The following HIP1 variants were observed in gnomAD, a reference collection of about 807,000 sequenced individuals.
HIP1 encodes the protein huntingtin-interacting protein 1.
Under a neutral mutation model 147.6 loss-of-function variants are expected in HIP1, and 65 were observed. The observed-to-expected ratio is 0.44, with a 90% CI of 0.36 to 0.54. HIP1 has a LOEUF of 0.54. HIP1 is among the 20% of genes least tolerant of loss of function. HIP1 has a pLI of 0.00. For missense variants in HIP1, 1,061 were observed against 1,299.6 expected, an observed-to-expected ratio of 0.82 and a Z score of 2.82; for synonymous variants, 479 against 504.0, an observed-to-expected ratio of 0.95 and a Z score of 0.67.
intron 7 of HIP1, among the ~76,000 whole-genome samples, chr7:75,580,947 G>A (rs1796017569): frequency 6.6e-6 from 1 of 152,094 alleles, no homozygotes; most frequent in Non-Finnish European, 1.5e-5. Context: ...TCACCATGTT[G>A]GCCAGGCTGG....
intron 9 of HIP1, among the ~76,000 whole-genome samples, chr7:75,566,858 G>A (rs914454063): frequency 6.6e-5 from 10 of 151,242 alleles, no homozygotes; most frequent in Non-Finnish European, 1.3e-4. Context: ...ACAGTGACTC[G>A]CGCCGGTAAT....
At chr7:75,713,419 G>C (rs1253127098) in intron 1 of HIP1, among the ~76,000 whole-genome samples, 1 of 152,160 alleles carries the variant, frequency 6.6e-6, no homozygotes, top group Non-Finnish European at 1.5e-5. Flanking sequence ...ACTGCGACAG[G>C]GGGAGGCAGA....
At chr7:75,696,722 T>A (rs1800652365) in intron 1 of HIP1, among the ~76,000 whole-genome samples, 1 of 150,348 alleles carries the variant, frequency 6.7e-6, no homozygotes, top group South Asian at 2.1e-4. Context: ...TGCCTCAACC[T>A]CCGAGTGGCT....
In HIP1 at chr7:75,592,265, G is replaced by A. The variant is rs1243738948; in HGVS notation, c.327+107C>T. On this transcript the variant is annotated intron_variant, in intron 3 of 30. Coordinates refer to ENST00000336926, the MANE Select transcript of HIP1 (RefSeq NM_005338.7). Reference sequence around the variant, plus strand: ...ACTCTAATGGGGAACCCAAAGGCCAGGAGAAGGGGGCAGTGTGGGAGAGGA... The same window carrying A: ...ACTCTAATGGGGAACCCAAAGGCCAAGAGAAGGGGGCAGTGTGGGAGAGGA... 5.5e-6 allele frequency: 8 copies of A among 1,454,878 alleles called. No homozygotes were observed. The African/African-American group carries it at 5.6e-5, about 10-fold the overall frequency. The allele number at this position is 1,454,878 out of a possible 1,614,324, so 90.1% of individuals were successfully genotyped here.
intron 7 of HIP1, among the ~76,000 whole-genome samples, chr7:75,578,635 A>T (rs1393467485): frequency 6.6e-6 from 1 of 152,120 alleles, no homozygotes; most frequent in African/African-American, 2.4e-5. Context: ...CCGGAATCGC[A>T]CCACTGCATT....
intron 1 of HIP1, among the ~76,000 whole-genome samples, chr7:75,604,421 C>G (rs1282305564): frequency 2.6e-5 from 4 of 152,122 alleles, no homozygotes; most frequent in African/African-American, 9.7e-5. Flanking sequence ...TGCCTGTAAT[C>G]CCAGTACCTT....
intron 1 of HIP1, among the ~76,000 whole-genome samples, chr7:75,733,207 G>A (rs889675296): frequency 7.2e-5 from 11 of 152,046 alleles, no homozygotes; most frequent in African/African-American, 1.2e-4. Context: ...CTGGAGTCCT[G>A]GTTTTGAATC....
At chr7:75,692,379 T>C (rs1554518244) in intron 1 of HIP1, among the ~76,000 whole-genome samples, 1 of 151,456 alleles carries the variant, frequency 6.6e-6, no homozygotes, top group Non-Finnish European at 1.5e-5. Context: ...CTGCCTCAAG[T>C]CTCCCAAGCA....
intron 1 of HIP1, among the ~76,000 whole-genome samples, chr7:75,687,403 A>C (rs1800297343): frequency 6.6e-6 from 1 of 152,154 alleles, no homozygotes; most frequent in South Asian, 2.1e-4. Context: ...TTTCTAAAAC[A>C]CATCTGGGCC....
rs900570651 is a variant in HIP1 at position 75,735,922 on chromosome 7, C to G, written c.120+2879G>C. 7.2e-5 allele frequency among the ~76,000 whole-genome samples: 11 copies of G among 152,012 alleles called. No homozygotes were observed. The East Asian group carries it at 2.1e-3, about 29-fold the overall frequency. On this transcript the variant is annotated intron_variant, in intron 1 of 30. Transcript: ENST00000336926. ...AGGCTGGTTCTTTTTCTTTACTCTCCTACACCCCTAAAGAGTTTCAACACC... is the reference window on the plus strand; with the variant it reads ...AGGCTGGTTCTTTTTCTTTACTCTCGTACACCCCTAAAGAGTTTCAACACC...
In HIP1 at chr7:75,562,932, C is replaced by A. The variant is rs189777752; in HGVS notation, c.1020+3G>T. 1.6e-4 allele frequency: 261 copies of A among 1,614,134 alleles called. 1 individual carries two copies. In the East Asian group the frequency reaches 5.3e-3, roughly 33 times the overall value. On this transcript the variant is annotated splice_donor_region_variant and intron_variant, in intron 11 of 30. Transcript: ENST00000336926. ...CCAAGTTTCTCTCCCAAGTGGTCCTCACCTGCTGAGAGGCATCCATGTCCA... is the reference window on the plus strand; with the variant it reads ...CCAAGTTTCTCTCCCAAGTGGTCCTAACCTGCTGAGAGGCATCCATGTCCA...
chr7:75,643,585 G>A (rs1798714503), intron 1 of HIP1, among the ~76,000 whole-genome samples: 1 of 152,244 alleles, frequency 6.6e-6, no homozygotes, highest in Admixed American at 6.5e-5. Flanking sequence ...CCTGGGAAGG[G>A]CAGTGGGATG....
chr7:75,699,353 C>G (rs6957776), intron 1 of HIP1, among the ~76,000 whole-genome samples: 83,665 of 152,030 alleles, frequency 0.55, 23,765 homozygotes, highest in African/African-American at 0.68. Flanking sequence ...ATAGCTCACT[C>G]CCAGTACTCT....
intron 1 of HIP1, among the ~76,000 whole-genome samples, chr7:75,622,663 G>A (rs1797882670): frequency 6.6e-6 from 1 of 152,094 alleles, no homozygotes. Context: ...GGAGACTGTG[G>A]CACCCTGGAA....
chr7:75,732,269 T>C (rs1302126359), intron 1 of HIP1, among the ~76,000 whole-genome samples: 1 of 152,136 alleles, frequency 6.6e-6, no homozygotes, highest in Non-Finnish European at 1.5e-5. Flanking sequence ...TTCTATCTCT[T>C]TCTCTCTAGG....
chr7:75,722,681 C>T (rs1370683367), intron 1 of HIP1, among the ~76,000 whole-genome samples: 16 of 152,198 alleles, frequency 1.1e-4, no homozygotes, highest in Admixed American at 1.0e-3. Context: ...GAGATGCCAT[C>T]ATGACCCTAC....
In HIP1 at chr7:75,738,749, C is replaced by A. The variant is rs1470071552; in HGVS notation, c.120+52G>T. 4 of 1,574,328 alleles carry A rather than the reference C, an allele frequency of 2.5e-6. No individual in the cohort carries two copies. In the African/African-American group the frequency reaches 5.4e-5, roughly 21 times the overall value. On this transcript the variant is annotated intron_variant, in intron 1 of 30. Coordinates refer to ENST00000336926, the MANE Select transcript of HIP1 (RefSeq NM_005338.7). ...TACTCCCTTCAAAGCCCCTCCCGGA[C>A]ACCGCGTCCCTCAGGGTGCCCCAGG...
At chr7:75,692,138 C>A (rs1229526547) in intron 1 of HIP1, among the ~76,000 whole-genome samples, 1 of 152,250 alleles carries the variant, frequency 6.6e-6, no homozygotes, top group East Asian at 1.9e-4. Context: ...TCCGTTGTCT[C>A]CCCCCGTCCC....
intron 1 of HIP1, among the ~76,000 whole-genome samples, chr7:75,616,127 GAAAACA>G (rs1217661306): frequency 7.7e-6 from 1 of 129,306 alleles, no homozygotes; most frequent in African/African-American, 2.9e-5. Context: ...GAAAAGAAAA[GAAAACA>G]AAAACAAAAA....
Sources: gnomAD v4.1 joint callset for allele counts (sites outside exome capture counted in the v4.1 genomes callset) on GRCh38, gnomAD v4.1.1 for gene constraint, MANE v1.5 for transcripts, NCBI Gene and HGNC (gene_info 2026-07-23, HGNC 2026-07-21) for gene names.